The following NUMA1 variants were observed in gnomAD, a reference collection of about 807,000 sequenced individuals.
NUMA1 encodes SP-H antigen.
In NUMA1, 62 loss-of-function variants were observed where a neutral mutation model predicts 237.1. The observed-to-expected ratio is 0.26, with a 90% CI of 0.21 to 0.32. The LOEUF (loss-of-function observed/expected upper bound fraction) is 0.32, where lower values mean the gene tolerates loss of function less well. Among genes scored for constraint, NUMA1 ranks in the 10% least tolerant of loss-of-function variants. The pLI, the probability that NUMA1 is intolerant of heterozygous loss-of-function variation, is 1.00. For missense variants in NUMA1, 2,533 were observed against 2,666.5 expected, an observed-to-expected ratio of 0.95 and a Z score of 1.10; for synonymous variants, 1,028 against 1,066.1, an observed-to-expected ratio of 0.96 and a Z score of 0.70.
chr11:72,036,897 C>T (rs1157675039), intron 2 of NUMA1, among the ~76,000 whole-genome samples: 1 of 152,162 alleles, frequency 6.6e-6, no homozygotes, highest in African/African-American at 2.4e-5. Flanking sequence ...GCACAATGAG[C>T]CCTGCCCCCA....
chr11:72,048,947 C>T lies in NUMA1; in HGVS notation c.-32-12972G>A, dbSNP rs1483016093. ...GCTTATTTACCATGGCCTCATTGTCCCTCTCCAGAGGATAATGGCTGATTA... is the reference window on the plus strand; with the variant it reads ...GCTTATTTACCATGGCCTCATTGTCTCTCTCCAGAGGATAATGGCTGATTA... On this transcript the variant is annotated intron_variant, in intron 2 of 26. Coordinates refer to ENST00000393695, the MANE Select transcript of NUMA1 (RefSeq NM_006185.4). Among the ~76,000 whole-genome samples the T allele has an allele frequency of 3.3e-5, 5 of 152,036 alleles. No individual in the cohort carries two copies. The East Asian group carries it at 7.7e-4, about 24-fold the overall frequency.
rs1436360584 is a variant in NUMA1, at chr11:72,015,406, C to T, written c.2097G>A (p.Gln699=). 6.2e-7 allele frequency: 1 copy of T among 1,611,972 alleles called. No individual in the cohort carries two copies. The highest frequency in any genetic ancestry group is 2.2e-5 in the East Asian group (1 of 44,886). ...EKERVAQEKD[Q]LQEQLQALKE... ...TGAGGGCCTGGAGCTGCTCCTGGAG[C>T]TGGTCCTTCTCCTGGGCCACCCTTT... The change falls in exon 15 of 27, where the codon CAG becomes CAA. Residue 699 remains glutamine (Q), a synonymous_variant. Transcript: ENST00000393695. The surrounding 1 kb of genome is among the most constrained non-coding windows in gnomAD (Gnocchi z 4.0).
chr11:72,021,915 G>A (rs569211770), intron 7 of NUMA1, among the ~76,000 whole-genome samples: 2 of 152,212 alleles, frequency 1.3e-5, no homozygotes, highest in South Asian at 4.1e-4. Flanking sequence ...CGCCCGGCCA[G>A]GAAGCTTTTA....
At chr11:72,064,417 G>T (rs956325615) in intron 2 of NUMA1, among the ~76,000 whole-genome samples, 1 of 151,986 alleles carries the variant, frequency 6.6e-6, no homozygotes, top group African/African-American at 2.4e-5. Context: ...AGCTAGGATT[G>T]CAACTGTACC....
rs780335648 is a variant in NUMA1 at position 72,018,956 on chromosome 11, A to G, written c.609T>C (p.Ser203=). 4 of 1,613,842 alleles carry G rather than the reference A, an allele frequency of 2.5e-6. No individual in the cohort carries two copies. Residue 203 remains serine, a synonymous_variant, in exon 10 of 27, where the codon TCT becomes TCC. Coordinates refer to ENST00000393695, the MANE Select transcript of NUMA1 (RefSeq NM_006185.4). ...GNNFLSGSPA[S]PMGDILQTPQ... ...GGGTCTGCAGGATATCACCCATGGG[A>G]GAAGCTGGAGAACCTGAGAGAAAGC...
At chr11:72,056,635 T>TAAAAAAAAAAAAAAAAAACAA (rs1942662968) in intron 2 of NUMA1, among the ~76,000 whole-genome samples, 1 of 76,010 alleles carries the variant, frequency 1.3e-5, no homozygotes, top group Non-Finnish European at 2.4e-5. Context: ...CCCATCTCTT[T>TAAAAAAAAAAAAAAAAAACAA]AAAAAAAAAA....
rs1956407029 is a variant in NUMA1, at chr11:72,014,811, G to A, written c.2692C>T (p.Leu898Phe). ...VQEKEVRAQK[L>F]ADDLSTLQEK... Reference sequence around the variant, plus strand: ...TGCAGAGTGGAGAGGTCATCTGCAAGCTTCTGGGCCCTGACTTCCTTCTCT... The same window carrying A: ...TGCAGAGTGGAGAGGTCATCTGCAAACTTCTGGGCCCTGACTTCCTTCTCT... Residue 898 changes from leucine (L) to phenylalanine (F), a missense_variant, in exon 15 of 27, where the codon CTT becomes TTT. Physicochemically the swap from Leu to Phe is conservative, Grantham distance 22. This residue lies in a region of NUMA1 where 1,414 missense variants were observed against 1,508.1 expected (regional missense o/e 0.94). Coordinates refer to ENST00000393695, the MANE Select transcript of NUMA1 (RefSeq NM_006185.4). This position sits in a 1 kb window ranked among gnomAD's most constrained non-coding sequence, Gnocchi z 4.6. 3 of 1,614,104 alleles carry A rather than the reference G, an allele frequency of 1.9e-6. No homozygotes were observed. The highest frequency in any genetic ancestry group is 2.7e-5 in the African/African-American group (2 of 74,940).
intron 2 of NUMA1, among the ~76,000 whole-genome samples, chr11:72,052,467 T>A (rs1942419886): frequency 6.6e-6 from 1 of 152,060 alleles, no homozygotes; most frequent in Non-Finnish European, 1.5e-5. Flanking sequence ...CATCAGATGA[T>A]AAGAAGGGTA....
intron 16 of NUMA1, 162 bp downstream of exon 16, chr11:72,012,239 C>T: frequency 1.4e-6 from 1 of 691,026 alleles, no homozygotes; most frequent in Non-Finnish European, 2.5e-6. Context: ...CCCAGCACAC[C>T]ACACTCCTGG....
chr11:72,009,730 TTACTC>T (rs386754845), intron 17 of NUMA1, among the ~76,000 whole-genome samples: 4 of 1,738 alleles, frequency 2.3e-3, no homozygotes, highest in African/African-American at 5.0e-3. Context: ...GTGCAGAGCC[TTACTC>T]TAAGGCACTT....
At chr11:72,057,850 G>T (rs1247566302) in intron 2 of NUMA1, among the ~76,000 whole-genome samples, 2 of 150,266 alleles carry the variant, frequency 1.3e-5, no homozygotes, top group African/African-American at 2.4e-5. Context: ...CAGGTGGATC[G>T]CCTGAGGGCA....
At chr11:72,009,520 A>AC in intron 17 of NUMA1, 133 bp from the exon 18 acceptor site, 1 of 1,152,304 alleles carries the variant, frequency 8.7e-7, no homozygotes, top group Non-Finnish European at 1.2e-6. Context: ...AAACCACACC[A>AC]CCCCAAATAC....
rs59248999 is a variant in NUMA1 at position 72,056,635 on chromosome 11, T to TAAAAAAAAAAAA, written c.-33+13195_-33+13206dup. 3.4e-3 allele frequency among the ~76,000 whole-genome samples: 260 copies of TAAAAAAAAAAAA among 75,922 alleles called. 17 individuals are homozygous for TAAAAAAAAAAAA. The highest frequency in any genetic ancestry group is 8.2e-3 in the East Asian group (27 of 3,290). The allele number at this position is 75,922 out of a possible 152,430, so 49.8% of individuals were successfully genotyped here. ...GCGCCTGACCAAGATCCCATCTCTT[T>TAAAAAAAAAAAA]AAAAAAAAAAAAAAAAAAAAAAAAA... On this transcript the variant is annotated intron_variant, in intron 2 of 26. Transcript: ENST00000393695.
At chr11:72,055,525 A>C (rs1486441867) in intron 2 of NUMA1, among the ~76,000 whole-genome samples, 1 of 152,144 alleles carries the variant, frequency 6.6e-6, no homozygotes, top group African/African-American at 2.4e-5. Context: ...TTTAAAAATA[A>C]AACAATAGGG....
chr11:72,021,537 C>T (rs1159667323), intron 7 of NUMA1, among the ~76,000 whole-genome samples: 1 of 152,220 alleles, frequency 6.6e-6, no homozygotes, highest in Non-Finnish European at 1.5e-5. Flanking sequence ...GTCAGAGTTC[C>T]TGACTGACTT....
intron 5 of NUMA1, among the ~76,000 whole-genome samples, chr11:72,023,507 A>G (rs952137565): frequency 3.3e-5 from 5 of 152,236 alleles, no homozygotes; most frequent in African/African-American, 1.2e-4. Flanking sequence ...GTCACAGAGT[A>G]AACCTATAGC....
chr11:72,005,997 T>A, intron 22 of NUMA1, 38 bp downstream of exon 22: 1 of 1,490,126 alleles, frequency 6.7e-7, no homozygotes, highest in Non-Finnish European at 9.2e-7. Flanking sequence ...CCTTCCAGTC[T>A]AATTTTGGGG....
chr11:72,005,378 G>T lies in NUMA1; in HGVS notation c.5693-9C>A. 1 of 1,602,448 alleles carries T rather than the reference G, an allele frequency of 6.2e-7. No individual in the cohort carries two copies. The highest frequency in any genetic ancestry group is 8.5e-7 in the Non-Finnish European group (1 of 1,175,258). ...GTAGAAGCTGTTCCTTCCTGTGGAA[G>T]GCAGGGAAGTGGGAACAAATGAGCC... On this transcript the variant is annotated splice_polypyrimidine_tract_variant and intron_variant, in intron 22 of 26. Coordinates refer to ENST00000393695, the MANE Select transcript of NUMA1 (RefSeq NM_006185.4).
At chr11:72,018,556 G>T (rs1200629858) in intron 10 of NUMA1, 43 bp from the exon 11 acceptor site, 2 of 1,523,712 alleles carry the variant, frequency 1.3e-6, no homozygotes, top group Non-Finnish European at 1.8e-6. Flanking sequence ...TCAGAACTAT[G>T]TGCATGAGCG....
Sources: gnomAD v4.1 joint callset for allele counts (sites outside exome capture counted in the v4.1 genomes callset) on GRCh38, gnomAD v4.1.1 for gene constraint, gnomAD v4.1.1 regional missense constraint, Gnocchi (gnomAD v3.1) non-coding constraint, MANE v1.5 for transcripts, NCBI Gene and HGNC (gene_info 2026-07-23, HGNC 2026-07-21) for gene names.